The following MALRD1 variants were observed in gnomAD, a reference collection of about 807,000 sequenced individuals.
The protein encoded by MALRD1 is MAM and LDL receptor class A domain containing 1.
MALRD1 carries 247 observed loss-of-function variants against 242.1 expected under a neutral mutation model. That is an observed-to-expected ratio of 1.02 (90% CI 0.92 to 1.13). MALRD1 has a LOEUF of 1.13. Ranked by LOEUF, MALRD1 falls within the 50% of genes most tolerant of loss-of-function variation. The pLI is 0.00. For synonymous variants in MALRD1, 995 were observed against 866.6 expected, an observed-to-expected ratio of 1.15 and a Z score of -2.60; for missense variants, 2,989 against 2,533.1, an observed-to-expected ratio of 1.18 and a Z score of -3.86.
intron 13 of MALRD1, among the ~76,000 whole-genome samples, chr10:19,172,569 G>A (rs1008329795): frequency 1.3e-5 from 2 of 151,266 alleles, no homozygotes; most frequent in Non-Finnish European, 3.0e-5. Context: ...GACTACCTCA[G>A]GATTTTACTT....
At chr10:19,629,078 A>T (rs184538259) in intron 36 of MALRD1, among the ~76,000 whole-genome samples, 147 of 152,302 alleles carry the variant, frequency 9.7e-4, no homozygotes, top group African/African-American at 3.5e-3. Flanking sequence ...ACAGAGTCAC[A>T]AAAATGAAAA....
intron 30 of MALRD1, 38 bp downstream of exon 30, chr10:19,491,683 C>A (rs984217380): frequency 6.5e-7 from 1 of 1,534,744 alleles, no homozygotes; most frequent in Non-Finnish European, 8.8e-7. Flanking sequence ...GCCAGTTCAG[C>A]AGATATTTTC....
At chr10:19,645,094 T>C (rs1484675172) in intron 36 of MALRD1, among the ~76,000 whole-genome samples, 2 of 152,316 alleles carry the variant, frequency 1.3e-5, no homozygotes, top group Non-Finnish European at 2.9e-5. Flanking sequence ...CATTATATCT[T>C]GTAAAATCTT....
intron 9 of MALRD1, among the ~76,000 whole-genome samples, chr10:19,134,537 G>A (rs61851289): frequency 6.8e-6 from 1 of 147,914 alleles, no homozygotes; most frequent in Non-Finnish European, 1.5e-5. Context: ...TATGGAATGT[G>A]TAAGTTTATT....
At chr10:19,109,164 A>T (rs1226542247) in intron 5 of MALRD1, among the ~76,000 whole-genome samples, 1 of 152,170 alleles carries the variant, frequency 6.6e-6, no homozygotes, top group Non-Finnish European at 1.5e-5. Context: ...GGCTCAGGTT[A>T]TAGGAGTTTG....
intron 14 of MALRD1, among the ~76,000 whole-genome samples, chr10:19,199,298 C>A (rs1410178346): frequency 1.3e-5 from 2 of 152,160 alleles, no homozygotes; most frequent in Non-Finnish European, 2.9e-5. Flanking sequence ...TTTGTATCAT[C>A]TTCCATTAAA....
chr10:19,230,043 A>G (rs958890819), intron 18 of MALRD1, among the ~76,000 whole-genome samples: 2 of 152,132 alleles, frequency 1.3e-5, no homozygotes, highest in African/African-American at 4.8e-5. Flanking sequence ...TGATGGTTTT[A>G]TAAGGCGAAA....
intron 14 of MALRD1, among the ~76,000 whole-genome samples, chr10:19,202,627 G>A (rs1053772433): frequency 6.6e-6 from 1 of 151,928 alleles, no homozygotes; most frequent in African/African-American, 2.4e-5. Flanking sequence ...TTTTACAAGG[G>A]TGTGTCTATG....
intron 11 of MALRD1, among the ~76,000 whole-genome samples, chr10:19,151,333 A>G (rs1164725494): frequency 6.6e-6 from 1 of 152,030 alleles, no homozygotes; most frequent in Non-Finnish European, 1.5e-5. Context: ...TCTGATTTTG[A>G]TTATTGCTGA....
At chr10:19,660,283 T>C (rs1008069985) in intron 36 of MALRD1, among the ~76,000 whole-genome samples, 1 of 152,186 alleles carries the variant, frequency 6.6e-6, no homozygotes, top group Non-Finnish European at 1.5e-5. Flanking sequence ...TTCTTCTTTT[T>C]CTCTGTGACA....
chr10:19,452,188 T>C (rs1835367636), intron 29 of MALRD1, among the ~76,000 whole-genome samples: 1 of 152,222 alleles, frequency 6.6e-6, no homozygotes, highest in Non-Finnish European at 1.5e-5. Context: ...AGAAATTCCT[T>C]TCCTCTCAAG....
intron 26 of MALRD1, among the ~76,000 whole-genome samples, chr10:19,360,600 G>A (rs933035348): frequency 1.3e-5 from 2 of 152,004 alleles, no homozygotes; most frequent in Non-Finnish European, 2.9e-5. Flanking sequence ...TACAGAAATT[G>A]TATACAATTC....
intron 24 of MALRD1, among the ~76,000 whole-genome samples, chr10:19,340,310 A>C (rs952596948): frequency 6.6e-6 from 1 of 151,836 alleles, no homozygotes; most frequent in Non-Finnish European, 1.5e-5. Context: ...ATGTAAAATT[A>C]ATTTATCACT....
chr10:19,303,036 CA>C, intron 21 of MALRD1, among the ~76,000 whole-genome samples: 1 of 151,344 alleles, frequency 6.6e-6, no homozygotes, highest in Admixed American at 6.6e-5. Context: ...CCTAAAGTAA[CA>C]AAAGATTAAA....
intron 18 of MALRD1, among the ~76,000 whole-genome samples, chr10:19,251,442 C>T (rs193148954): frequency 6.6e-6 from 1 of 152,096 alleles, no homozygotes; most frequent in East Asian, 1.9e-4. Context: ...TTGTATTCCT[C>T]TCCTATGGTG....
chr10:19,280,124 A>G lies in MALRD1; in HGVS notation c.3157A>G (p.Asn1053Asp). Reference protein sequence around the residue: ...VTLPPHNCTDNEFICRSDGHC... With the variant: ...VTLPPHNCTDDEFICRSDGHC... ...ATTACCTCCACACAACTGCACAGACAATGAATTTATCTGCAGGTCTGATGG... is the reference window on the plus strand; with the variant it reads ...ATTACCTCCACACAACTGCACAGACGATGAATTTATCTGCAGGTCTGATGG... The change falls in exon 20 of 40, where the codon AAT becomes GAT. Residue 1053 changes from asparagine to aspartate, a missense_variant. By Grantham distance (23) the Asn-to-Asp change is conservative. Coordinates refer to ENST00000454679, the MANE Select transcript of MALRD1 (RefSeq NM_001142308.3). 4 of 1,546,456 alleles carry G rather than the reference A, an allele frequency of 2.6e-6. No individual in the cohort carries two copies. Among genetic ancestry groups the G allele is most frequent in the East Asian group, 4.9e-5 (2 of 40,642 alleles).
intron 24 of MALRD1, among the ~76,000 whole-genome samples, chr10:19,341,054 C>A (rs1588937912): frequency 6.6e-6 from 1 of 152,034 alleles, no homozygotes; most frequent in East Asian, 1.9e-4. Context: ...TCAACATAAG[C>A]AAATATTTAT....
intron 26 of MALRD1, among the ~76,000 whole-genome samples, chr10:19,384,058 G>C (rs576557865): frequency 5.3e-5 from 8 of 151,690 alleles, no homozygotes; most frequent in Middle Eastern, 6.9e-3. Flanking sequence ...AAGTATTCCA[G>C]GTAAGAGAGA....
At chr10:19,138,344 ATTTC>A (rs1190751959) in intron 10 of MALRD1, among the ~76,000 whole-genome samples, 3 of 151,770 alleles carry the variant, frequency 2.0e-5, no homozygotes, top group African/African-American at 4.8e-5. Context: ...TTGGGGAAAT[ATTTC>A]TTTCTAACAG....
Sources: allele counts gnomAD v4.1 joint callset (sites outside exome capture counted in the v4.1 genomes callset), GRCh38; gene constraint gnomAD v4.1.1; transcripts MANE v1.5; gene names NCBI Gene and HGNC (gene_info 2026-07-23, HGNC 2026-07-21).